The following FSHR variants were observed in gnomAD, a reference collection of about 807,000 sequenced individuals.
FSHR encodes the protein follicle-stimulating hormone receptor.
FSHR carries 46 observed loss-of-function variants against 52.1 expected under a neutral mutation model. The observed-to-expected ratio is 0.88, with a 90% CI of 0.70 to 1.13. FSHR has a LOEUF of 1.13. FSHR is among the 50% of genes most tolerant of loss of function. FSHR has a pLI of 0.00. For missense variants in FSHR, 964 were observed against 834.6 expected, an observed-to-expected ratio of 1.16 and a Z score of -1.91; for synonymous variants, 399 against 309.6, an observed-to-expected ratio of 1.29 and a Z score of -3.03.
intron 1 of FSHR, among the ~76,000 whole-genome samples, chr2:49,070,629 A>T (rs1201726907): frequency 6.6e-6 from 1 of 152,152 alleles, no homozygotes; most frequent in Non-Finnish European, 1.5e-5. Context: ...CTATTTAATA[A>T]TGTCAACTAC....
chr2:49,152,372 G>C (rs1673094101), intron 1 of FSHR, among the ~76,000 whole-genome samples: 1 of 152,006 alleles, frequency 6.6e-6, no homozygotes, highest in Admixed American at 6.6e-5. Flanking sequence ...CCAGAGATGT[G>C]TTTTAGTCAT....
intron 4 of FSHR, among the ~76,000 whole-genome samples, chr2:49,013,316 C>G (rs1020926542): frequency 1.3e-5 from 2 of 151,482 alleles, no homozygotes; most frequent in Non-Finnish European, 2.9e-5. Flanking sequence ...CCCAAGCTAA[C>G]TAGTGTGAGG....
At chr2:49,083,928 C>T (rs964167681) in intron 1 of FSHR, among the ~76,000 whole-genome samples, 7 of 151,610 alleles carry the variant, frequency 4.6e-5, no homozygotes, top group African/African-American at 1.7e-4. Flanking sequence ...CAACATTAGA[C>T]AGATCAACGA....
At chr2:49,098,937 AACAC>A (rs34255462) in intron 1 of FSHR, among the ~76,000 whole-genome samples, 9 of 146,164 alleles carry the variant, frequency 6.2e-5, no homozygotes, top group Admixed American at 1.4e-4. Context: ...GCAACACACA[AACAC>A]ACACACACAC....
chr2:49,098,015 A>T (rs529446058), intron 1 of FSHR, among the ~76,000 whole-genome samples: 1 of 152,194 alleles, frequency 6.6e-6, no homozygotes, highest in Non-Finnish European at 1.5e-5. Flanking sequence ...TTCATCCAAT[A>T]AACATTTATA....
intron 1 of FSHR, among the ~76,000 whole-genome samples, chr2:49,148,061 T>A (rs1672932624): frequency 6.6e-6 from 1 of 152,006 alleles, no homozygotes; most frequent in South Asian, 2.1e-4. Flanking sequence ...GAATCTGACC[T>A]TAATTGGCAA....
chr2:49,013,128 C>T (rs1020211665), intron 4 of FSHR, among the ~76,000 whole-genome samples: 1 of 151,154 alleles, frequency 6.6e-6, no homozygotes, highest in Non-Finnish European at 1.5e-5. Flanking sequence ...TCTTCCCCCC[C>T]CACCCCCACT....
chr2:49,119,627 A>G (rs547111963), intron 1 of FSHR, among the ~76,000 whole-genome samples: 11 of 152,262 alleles, frequency 7.2e-5, no homozygotes, highest in African/African-American at 2.4e-4. Flanking sequence ...TTGTACCAAT[A>G]TTATACAAAC....
At chr2:49,092,894 G>A (rs1670665964) in intron 1 of FSHR, among the ~76,000 whole-genome samples, 1 of 152,112 alleles carries the variant, frequency 6.6e-6, no homozygotes, top group Non-Finnish European at 1.5e-5. Flanking sequence ...TCGAACTCCT[G>A]ACCTTAACTA....
chr2:49,124,676 C>T (rs1335805530), intron 1 of FSHR, among the ~76,000 whole-genome samples: 1 of 152,186 alleles, frequency 6.6e-6, no homozygotes, highest in Non-Finnish European at 1.5e-5. Flanking sequence ...CAGAATCCGA[C>T]CCCTTCTCAT....
intron 4 of FSHR, 88 bp downstream of exon 4, chr2:49,017,401 G>T: frequency 3.1e-6 from 3 of 965,236 alleles, no homozygotes; most frequent in Non-Finnish European, 4.9e-6. Context: ...AAAAGTAATT[G>T]CTCCCCAGAG....
intron 1 of FSHR, among the ~76,000 whole-genome samples, chr2:49,102,060 G>C (rs372318508): frequency 1.3e-5 from 2 of 152,132 alleles, no homozygotes; most frequent in South Asian, 2.1e-4. Context: ...GGAGGGGACA[G>C]ATATTCAAAA....
At chr2:48,997,956 C>G (rs1676095629) in intron 4 of FSHR, among the ~76,000 whole-genome samples, 1 of 152,128 alleles carries the variant, frequency 6.6e-6, no homozygotes. Flanking sequence ...TAATTGCCTT[C>G]TGCTTCCTTC....
At chr2:49,004,982 A>G (rs7571781) in intron 4 of FSHR, among the ~76,000 whole-genome samples, 119,800 of 152,072 alleles carry the variant, frequency 0.79, 47,310 homozygotes, top group Admixed American at 0.84. Context: ...TCTCCCTCTT[A>G]GAAATCCCCC....
At chr2:49,078,156 A>G (rs540499445) in intron 1 of FSHR, among the ~76,000 whole-genome samples, 2 of 152,342 alleles carry the variant, frequency 1.3e-5, no homozygotes, top group East Asian at 3.9e-4. Flanking sequence ...AAGAGATTTA[A>G]TGGACTTACA....
At chr2:49,014,898 G>A (rs1667424734) in intron 4 of FSHR, 1 of 470,170 alleles carries the variant, frequency 2.1e-6, no homozygotes, top group South Asian at 1.6e-5. Context: ...AAGGCTCTAT[G>A]ATCCCCATTT....
At chr2:49,074,992 C>T (rs983182115) in intron 1 of FSHR, among the ~76,000 whole-genome samples, 4 of 151,936 alleles carry the variant, frequency 2.6e-5, no homozygotes, top group African/African-American at 9.7e-5. Context: ...AAAAGTTGAT[C>T]TCATAGACGT....
chr2:49,154,180 A>T (rs1673162482), intron 1 of FSHR, 86 bp downstream of exon 1: 2 of 1,401,058 alleles, frequency 1.4e-6, no homozygotes, highest in Non-Finnish European at 2.0e-6. Flanking sequence ...TCAGTCTAAC[A>T]GATATCAGCC....
chr2:49,126,008 C>T (rs1310533073), intron 1 of FSHR, among the ~76,000 whole-genome samples: 6 of 152,154 alleles, frequency 3.9e-5, no homozygotes, highest in Non-Finnish European at 8.8e-5. Context: ...TCATAACAAG[C>T]CAGAAGAAAG....
Sources: allele counts gnomAD v4.1 joint callset (sites outside exome capture counted in the v4.1 genomes callset), GRCh38; gene constraint gnomAD v4.1.1; transcripts MANE v1.5; gene names NCBI Gene and HGNC (gene_info 2026-07-23, HGNC 2026-07-21).